The following PKD1L1 variants were observed in gnomAD, a reference collection of about 807,000 sequenced individuals.
The protein encoded by PKD1L1 is polycystin-1-like protein 1.
PKD1L1 carries 236 observed loss-of-function variants against 323.4 expected under a neutral mutation model. The observed-to-expected ratio is 0.73, with a 90% CI of 0.66 to 0.81. The LOEUF (loss-of-function observed/expected upper bound fraction) is 0.81. PKD1L1 is among the 40% of genes least tolerant of loss of function. PKD1L1 has a pLI of 0.00. For synonymous variants in PKD1L1, 1,344 were observed against 1,335.0 expected (o/e 1.01, Z -0.15); for missense variants, 3,320 against 3,508.0 (o/e 0.95, Z 1.35).
intron 56 of PKD1L1, among the ~76,000 whole-genome samples, chr7:47,777,297 G>A (rs74451749): frequency 1.0e-3 from 153 of 152,276 alleles, no homozygotes; most frequent in African/African-American, 3.3e-3. Flanking sequence ...ATATTCTTGG[G>A]GACTTCCTGA....
intron 42 of PKD1L1, among the ~76,000 whole-genome samples, chr7:47,830,853 A>G (rs1025310650): frequency 6.6e-6 from 1 of 152,184 alleles, no homozygotes; most frequent in Non-Finnish European, 1.5e-5. Flanking sequence ...CGCTTTTTCA[A>G]ATGATGGGAG....
At position 47,885,612 on chromosome 7, in the gene PKD1L1, C is replaced by T. The variant is rs755591471; in HGVS notation, c.3205+74G>A. The T allele has an allele frequency of 1.8e-4, 282 of 1,531,650 alleles. 1 individual carries two copies. Among genetic ancestry groups the T allele is most frequent in the Non-Finnish European group, 2.3e-4 (263 of 1,139,844 alleles). The allele number at this position is 1,531,650 out of a possible 1,614,324, so 94.9% of individuals were successfully genotyped here. ...TTGATGTGATCTCACACCTTACCCA[C>T]CAGATTCACTGCTTCCAAAGGTAAC... is the stretch of plus-strand genomic sequence containing the variant. On this transcript the variant is annotated intron_variant, in intron 18 of 56. Transcript: ENST00000289672.
At chr7:47,917,406 G>A (rs1787452367) in intron 7 of PKD1L1, among the ~76,000 whole-genome samples, 1 of 152,082 alleles carries the variant, frequency 6.6e-6, no homozygotes, top group Non-Finnish European at 1.5e-5. Flanking sequence ...AACATATGTG[G>A]GGGAATGATT....
At chr7:47,808,517 T>C in intron 51 of PKD1L1, 130 bp from the exon 52 acceptor site, 1 of 1,125,256 alleles carries the variant, frequency 8.9e-7, no homozygotes, top group East Asian at 2.5e-5. Context: ...GAGAAATGCA[T>C]CGCTGGGTGA....
At position 47,946,870 on chromosome 7, in the gene PKD1L1, T is replaced by C. The variant is rs2128760073; in HGVS notation, c.44+1527A>G. 7.2e-6 allele frequency among the ~76,000 whole-genome samples: 1 copy of C among 138,956 alleles called. No individual in the cohort carries two copies. The highest frequency in any genetic ancestry group is 3.6e-3 in the Middle Eastern group (1 of 280). The allele number at this position is 138,956 out of a possible 152,430, so 91.2% of individuals were successfully genotyped here. On this transcript the variant is annotated intron_variant, in intron 1 of 56. Coordinates refer to ENST00000289672, the MANE Select transcript of PKD1L1 (RefSeq NM_138295.5). This position sits in a 1 kb window ranked among gnomAD's most constrained non-coding sequence, Gnocchi z 4.1. ...TAGTGCGTGCATGAACTAGTTGGTC[T>C]GCAAGTACAAGATGTATAAATATAC... is the stretch of plus-strand genomic sequence containing the variant.
intron 8 of PKD1L1, among the ~76,000 whole-genome samples, chr7:47,910,334 T>TC (rs903919760): frequency 1.2e-4 from 18 of 147,286 alleles, no homozygotes; most frequent in South Asian, 2.2e-4. Flanking sequence ...TATCTTACTT[T>TC]CTTTTTTTTT....
intron 21 of PKD1L1, among the ~76,000 whole-genome samples, 155 bp downstream of exon 21, chr7:47,880,570 CTGT>C (rs1357252346): frequency 1.7e-4 from 21 of 120,484 alleles, no homozygotes; most frequent in African/African-American, 7.9e-4. Context: ...GCGTGAGCCA[CTGT>C]GCCCAGCCCT....
rs547504502 is a variant in PKD1L1, at chr7:47,804,151, A to G, written c.7828-807T>C. Among the ~76,000 whole-genome samples the G allele has an allele frequency of 6.6e-5, 10 of 152,366 alleles. No individual in the cohort carries two copies. In the South Asian group the frequency reaches 2.1e-3, roughly 32 times the overall value. ...TTTATTTCCTCAGTAATTGGGACAA[A>G]GTCAACAATGACTTCTGACAACCAA... On this transcript the variant is annotated intron_variant, in intron 52 of 56. Transcript: ENST00000289672.
At position 47,885,695 on chromosome 7, in the gene PKD1L1, G is replaced by A; in HGVS notation, c.3196C>T (p.His1066Tyr). 3 of 1,611,840 alleles carry A rather than the reference G, an allele frequency of 1.9e-6. No individual in the cohort carries two copies. The highest frequency in any genetic ancestry group is 1.7e-4 in the Middle Eastern group (1 of 5,936). ...GAACAGTGGCACTTACCAGAGAGGT[G>A]AGGGTCAGGGCTGTGGGTGGGCTGA... is the stretch of plus-strand genomic sequence containing the variant. ...RSQPTHSPDPHLSDFEAYYSD... is the reference protein window; with the variant it reads ...RSQPTHSPDPYLSDFEAYYSD... The change falls in exon 18 of 57, where the codon CAC (histidine) becomes TAC (tyrosine). Residue 1066 changes from histidine (H) to tyrosine (Y), a missense_variant. Coordinates refer to ENST00000289672, the MANE Select transcript of PKD1L1 (RefSeq NM_138295.5).
At chr7:47,831,643 G>A (rs778112054) in intron 41 of PKD1L1, among the ~76,000 whole-genome samples, 4 of 152,170 alleles carry the variant, frequency 2.6e-5, no homozygotes, top group African/African-American at 4.8e-5. Flanking sequence ...ACTCCTGCCC[G>A]ACTGCTGAGC....
chr7:47,837,052 C>T lies in PKD1L1; in HGVS notation c.5812G>A (p.Val1938Ile), dbSNP rs770135589. 7 of 1,614,062 alleles carry T rather than the reference C, an allele frequency of 4.3e-6. No homozygotes were observed. Among genetic ancestry groups the T allele is most frequent in the Non-Finnish European group, 5.1e-6 (6 of 1,180,056 alleles). Residue 1938 changes from valine (V) to isoleucine (I), a missense_variant, in exon 37 of 57, where the codon GTC (valine) becomes ATC (isoleucine). Coordinates refer to ENST00000289672, the MANE Select transcript of PKD1L1 (RefSeq NM_138295.5). ...GGCCTGCTGTACACCGACAGCCAGA[C>T]ATGGAAATCCTCCAGGTACTCTGTG... ...KFTEYLEDFH[V>I]WLSVYSRPSS...
intron 26 of PKD1L1, among the ~76,000 whole-genome samples, chr7:47,860,478 T>A (rs1026301083): frequency 6.6e-6 from 1 of 152,232 alleles, no homozygotes. Flanking sequence ...TTGGCCAGGC[T>A]TATTTAACCA....
intron 24 of PKD1L1, among the ~76,000 whole-genome samples, chr7:47,870,027 C>A (rs1343143786): frequency 2.6e-5 from 4 of 151,998 alleles, no homozygotes; most frequent in Non-Finnish European, 4.4e-5. Context: ...ACAAGAATTA[C>A]AAAATGCTTT....
rs1473885251 is a variant in PKD1L1 at position 47,898,212 on chromosome 7, A to G, written c.2065-18T>C. On this transcript the variant is annotated intron_variant, in intron 13 of 56. Coordinates refer to ENST00000289672, the MANE Select transcript of PKD1L1 (RefSeq NM_138295.5). ...CTCCATATCTAAGTATCAAGAAGAG[A>G]AGATGTCTCATTAAAATGTCCATCA... 2 of 1,598,588 alleles carry G rather than the reference A, an allele frequency of 1.3e-6. No homozygotes were observed. Among genetic ancestry groups the G allele is most frequent in the South Asian group, 1.1e-5 (1 of 90,360 alleles).
At chr7:47,830,625 C>T (rs1291883559) in intron 42 of PKD1L1, among the ~76,000 whole-genome samples, 1 of 152,190 alleles carries the variant, frequency 6.6e-6, no homozygotes, top group African/African-American at 2.4e-5. Flanking sequence ...CCCATCCTCA[C>T]AGAGTGATTC....
intron 46 of PKD1L1, among the ~76,000 whole-genome samples, chr7:47,819,340 T>C (rs963114366): frequency 2.0e-5 from 3 of 152,244 alleles, no homozygotes; most frequent in Admixed American, 2.0e-4. Context: ...AGCTGCGATA[T>C]TTCTGATTTG....
At chr7:47,838,977 A>G (rs1374333660) in intron 36 of PKD1L1, among the ~76,000 whole-genome samples, 2 of 152,082 alleles carry the variant, frequency 1.3e-5, no homozygotes, top group Admixed American at 1.3e-4. Flanking sequence ...CGGAAAGGAC[A>G]TGCAAAAATC....
At chr7:47,903,214 C>T (rs1787129298) in intron 12 of PKD1L1, among the ~76,000 whole-genome samples, 1 of 152,180 alleles carries the variant, frequency 6.6e-6, no homozygotes, top group African/African-American at 2.4e-5. Context: ...CAGAAGACCA[C>T]AAATTTGAGT....
rs1423899008 is a variant in PKD1L1 at position 47,904,326 on chromosome 7, C to G, written c.1931+52G>C. 1.9e-6 allele frequency: 3 copies of G among 1,608,764 alleles called. No homozygotes were observed. The African/African-American group carries it at 4.0e-5, about 21-fold the overall frequency. ...ACCCAAGGGCTGATGCCTTAAGACT[C>G]TGATTCCCGCGCTGTCTGTAGAGAG... On this transcript the variant is annotated intron_variant, in intron 12 of 56. Transcript: ENST00000289672.
Sources: gnomAD v4.1 joint callset for allele counts (sites outside exome capture counted in the v4.1 genomes callset) on GRCh38, gnomAD v4.1.1 for gene constraint, Gnocchi (gnomAD v3.1) non-coding constraint, MANE v1.5 for transcripts, NCBI Gene and HGNC (gene_info 2026-07-23, HGNC 2026-07-21) for gene names.